PPM1L: variants seen among roughly 807,000 people sequenced by gnomAD.
PPM1L encodes the protein protein phosphatase 1L.
In PPM1L, 13 loss-of-function variants were observed where a neutral mutation model predicts 31.4. The observed-to-expected ratio is 0.41, with a 90% CI of 0.27 to 0.66. The LOEUF (loss-of-function observed/expected upper bound fraction) is 0.66. Among genes scored for constraint, PPM1L ranks in the 30% least tolerant of loss-of-function variants. PPM1L has a pLI of 0.29. For synonymous variants in PPM1L, 184 were observed against 175.4 expected (o/e 1.05, Z -0.39); for missense variants, 326 against 453.7 (o/e 0.72, Z 2.56).
chr3:160,992,772 A>G (rs1576767457), intron 2 of PPM1L, among the ~76,000 whole-genome samples: 1 of 152,214 alleles, frequency 6.6e-6, no homozygotes. Context: ...TTTGGATCAC[A>G]TGTTCTTCTA....
At chr3:160,823,547 A>G (rs1713269635) in intron 1 of PPM1L, among the ~76,000 whole-genome samples, 1 of 152,000 alleles carries the variant, frequency 6.6e-6, no homozygotes, top group South Asian at 2.1e-4. Flanking sequence ...ATTTATCTTC[A>G]TATATGATGA....
chr3:161,026,732 G>A (rs1160591620), intron 2 of PPM1L, among the ~76,000 whole-genome samples: 2 of 151,734 alleles, frequency 1.3e-5, no homozygotes, highest in Non-Finnish European at 2.9e-5. Flanking sequence ...CAAGGAGATA[G>A]AAGTGTCTTG....
rs146239153 is a variant in PPM1L at position 160,975,399 on chromosome 3, A to G, written c.574+13489A>G. Reference sequence around the variant, plus strand: ...ATGAACTTTAAAGTAGTTTTTTCCAATTCTGTGAAGAAAATCATCGGTAGC... The same window carrying G: ...ATGAACTTTAAAGTAGTTTTTTCCAGTTCTGTGAAGAAAATCATCGGTAGC... On this transcript the variant is annotated intron_variant, in intron 2 of 3. Coordinates refer to ENST00000498165, the MANE Select transcript of PPM1L (RefSeq NM_139245.4). Among the ~76,000 whole-genome samples, 937 of 152,224 alleles carry G rather than the reference A, an allele frequency of 6.2e-3. 5 individuals are homozygous for G. Among genetic ancestry groups the G allele is most frequent in the Middle Eastern group, 0.024 (7 of 294 alleles).
intron 2 of PPM1L, 105 bp downstream of exon 2, chr3:160,962,015 T>C (rs1313848871): frequency 1.6e-5 from 12 of 767,680 alleles, no homozygotes; most frequent in Non-Finnish European, 3.9e-6. Context: ...GATTCAAAGT[T>C]ATGTAACATG....
chr3:161,044,245 G>T (rs984593749), intron 2 of PPM1L, among the ~76,000 whole-genome samples: 1 of 151,970 alleles, frequency 6.6e-6, no homozygotes, highest in African/African-American at 2.4e-5. Context: ...TCACCATGTT[G>T]GCCAGACTGG....
chr3:160,792,316 A>G (rs1375857528), intron 1 of PPM1L, among the ~76,000 whole-genome samples: 1 of 152,176 alleles, frequency 6.6e-6, no homozygotes. Flanking sequence ...AAAAGTTATG[A>G]CCACTTAAGT....
intron 1 of PPM1L, among the ~76,000 whole-genome samples, chr3:160,801,365 C>T (rs1416501243): frequency 8.6e-5 from 13 of 151,984 alleles, no homozygotes; most frequent in East Asian, 1.9e-4. Flanking sequence ...TGGGGCAAAG[C>T]GAAATTTGTT....
chr3:161,042,951 C>T (rs568962576), intron 2 of PPM1L, among the ~76,000 whole-genome samples: 73 of 150,306 alleles, frequency 4.9e-4, no homozygotes, highest in African/African-American at 1.6e-3. Flanking sequence ...ACTGAGGACA[C>T]GGAGGTTGCA....
rs114131714 is a variant in PPM1L at position 160,969,440 on chromosome 3, A to T, written c.574+7530A>T. 4.7e-3 allele frequency among the ~76,000 whole-genome samples: 720 copies of T among 152,318 alleles called. 7 individuals carry two copies. The highest frequency in any genetic ancestry group is 0.017 in the African/African-American group (695 of 41,568). On this transcript the variant is annotated intron_variant, in intron 2 of 3. Coordinates refer to ENST00000498165, the MANE Select transcript of PPM1L (RefSeq NM_139245.4). ...CTCAAAAGAAAGGCCATTTACTGTC[A>T]TGGGGGAAAAAATTGAACATACATC...
chr3:160,925,846 T>C (rs1370269945), intron 1 of PPM1L, among the ~76,000 whole-genome samples: 1 of 152,206 alleles, frequency 6.6e-6, no homozygotes, highest in Non-Finnish European at 1.5e-5. Context: ...AAACCCCATC[T>C]TTCTAGTTCT....
At chr3:160,968,904 G>A (rs778049544) in intron 2 of PPM1L, among the ~76,000 whole-genome samples, 6 of 152,190 alleles carry the variant, frequency 3.9e-5, no homozygotes, top group Non-Finnish European at 7.4e-5. Context: ...AGACCAGCAA[G>A]GGCTTTCTGT....
intron 2 of PPM1L, among the ~76,000 whole-genome samples, chr3:160,964,841 C>A (rs1716083342): frequency 1.3e-5 from 2 of 151,912 alleles, no homozygotes; most frequent in Admixed American, 6.6e-5. Flanking sequence ...AAAGTTACTA[C>A]CTCCTCCTCC....
intron 1 of PPM1L, among the ~76,000 whole-genome samples, chr3:160,850,512 C>G (rs1306368718): frequency 6.6e-6 from 1 of 152,120 alleles, no homozygotes; most frequent in African/African-American, 2.4e-5. Context: ...TGCCCCTCTC[C>G]CTGGACTTTG....
intron 1 of PPM1L, among the ~76,000 whole-genome samples, chr3:160,780,339 A>G (rs1439624965): frequency 1.3e-5 from 2 of 152,254 alleles, no homozygotes; most frequent in Admixed American, 6.5e-5. Context: ...ACAAAATTTC[A>G]TCAGCCCCTG....
intron 2 of PPM1L, among the ~76,000 whole-genome samples, chr3:161,005,289 A>G (rs999385039): frequency 3.9e-5 from 6 of 152,170 alleles, no homozygotes; most frequent in African/African-American, 1.4e-4. Context: ...TTATTCACCC[A>G]GGAAATATTT....
chr3:160,821,098 C>T (rs111979020), intron 1 of PPM1L, among the ~76,000 whole-genome samples: 44 of 152,092 alleles, frequency 2.9e-4, no homozygotes, highest in African/African-American at 7.7e-4. Flanking sequence ...AGGAACAAAG[C>T]GGTGTGTGCT....
At chr3:160,954,952 C>CT (rs61448419) in intron 1 of PPM1L, among the ~76,000 whole-genome samples, 12,304 of 65,978 alleles carry the variant, frequency 0.19, 587 homozygotes, top group Non-Finnish European at 0.22. Context: ...TCCTTCCTTC[C>CT]TTCCTTCCTT....
chr3:160,908,124 C>A (rs1713825978), intron 1 of PPM1L, among the ~76,000 whole-genome samples: 1 of 152,160 alleles, frequency 6.6e-6, no homozygotes, highest in African/African-American at 2.4e-5. Flanking sequence ...TTGAATGTAT[C>A]CACTGTCTAA....
intron 2 of PPM1L, among the ~76,000 whole-genome samples, chr3:161,005,015 C>T (rs886913113): frequency 5.3e-5 from 8 of 152,028 alleles, no homozygotes; most frequent in South Asian, 2.1e-4. Flanking sequence ...GCTTTGAATG[C>T]GTCCCAGAGA....
Sources: gnomAD v4.1 joint callset for allele counts (sites outside exome capture counted in the v4.1 genomes callset) on GRCh38, gnomAD v4.1.1 for gene constraint, MANE v1.5 for transcripts, NCBI Gene and HGNC (gene_info 2026-07-23, HGNC 2026-07-21) for gene names.